LARP1B: variants seen among roughly 807,000 people sequenced by gnomAD.
LARP1B encodes the protein la-related protein 1B.
LARP1B carries 76 observed loss-of-function variants against 114.2 expected under a neutral mutation model. The ratio of observed to expected loss-of-function variants is 0.67; its 90% CI spans 0.55 to 0.81. The LOEUF is 0.81. Ranked by LOEUF, LARP1B falls within the 30% of genes least tolerant of loss-of-function variation. The pLI, the probability that LARP1B is intolerant of heterozygous loss-of-function variation, is 0.00. For synonymous variants in LARP1B, 345 were observed against 348.0 expected (o/e 0.99, Z 0.10); for missense variants, 1,014 against 1,075.8 (o/e 0.94, Z 0.80).
At position 128,209,964 on chromosome 4, in the gene LARP1B, G is replaced by A. The variant is rs142851814; in HGVS notation, c.2656G>A (p.Ala886Thr). ...TTCCTCTACAAAGCCACCAAATGCT[G>A]CTAAACCTACATCTACCAGTGAGCT... is the stretch of plus-strand genomic sequence containing the variant. ...PNSSTKPPNA[A>T]KPTSTSELQV... is the part of the protein sequence containing the mutation. The change falls in exon 20 of 20, where the codon GCT becomes ACT. Residue 886 changes from alanine to threonine, a missense_variant. Transcript: ENST00000326639. 2.7e-5 allele frequency: 44 copies of A among 1,614,014 alleles called. No homozygotes were observed. The African/African-American group carries it at 5.6e-4, about 21-fold the overall frequency.
rs1455443386 is a variant in LARP1B, at chr4:128,210,083, G to T, written c.*30G>T. ...TGCTGCCTGTGTCCTGTGGTCTCAA[G>T]AAATGGTGAAATGCCTGAGAAATAG... On this transcript the variant is annotated 3_prime_UTR_variant, in exon 20 of 20. Transcript: ENST00000326639. 1.2e-5 allele frequency: 20 copies of T among 1,612,944 alleles called. No homozygotes were observed. The East Asian group carries it at 4.5e-4, about 36-fold the overall frequency.
chr4:128,177,113 A>C (rs989524750), intron 13 of LARP1B, among the ~76,000 whole-genome samples: 23 of 151,856 alleles, frequency 1.5e-4, no homozygotes, highest in Admixed American at 4.6e-4. Context: ...GCAAAATCTC[A>C]TATGCCAGGG....
At chr4:128,155,078 A>C (rs184767863) in intron 11 of LARP1B, among the ~76,000 whole-genome samples, 1 of 152,146 alleles carries the variant, frequency 6.6e-6, no homozygotes, top group South Asian at 2.1e-4. Context: ...CCAGGCTACA[A>C]ATTTTTTTAT....
At chr4:128,178,035 G>GATATATATATATATATATAT (rs35878913) in intron 13 of LARP1B, among the ~76,000 whole-genome samples, 159 of 137,752 alleles carry the variant, frequency 1.2e-3, no homozygotes, top group Admixed American at 4.9e-3. Context: ...TTTACAAAGT[G>GATATATATATATATATATAT]ATATATATAT....
chr4:128,114,804 CTTTATG>C lies in LARP1B; in HGVS notation c.1161+66_1161+71del, dbSNP rs1785233588. The C allele has an allele frequency of 2.8e-6, 4 of 1,453,944 alleles. No individual in the cohort carries two copies. In the Admixed American group the frequency reaches 7.7e-5, roughly 28 times the overall value. The allele number at this position is 1,453,944 out of a possible 1,614,324, so 90.1% of individuals were successfully genotyped here. ...CTGGGTGGAGTATAAGGTCAGTGCA[CTTTATG>C]TTTGTTAGGTACATATGTAAAATTT... On this transcript the variant is annotated intron_variant, in intron 10 of 19. Transcript: ENST00000326639.
chr4:128,177,413 A>G (rs1746707048), intron 13 of LARP1B, among the ~76,000 whole-genome samples: 1 of 152,154 alleles, frequency 6.6e-6, no homozygotes, highest in South Asian at 2.1e-4. Flanking sequence ...ACACAGAAAT[A>G]GTGCCTATTT....
chr4:128,061,758 A>G (rs1160692035), intron 1 of LARP1B: 1 of 984,700 alleles, frequency 1.0e-6, no homozygotes, highest in Non-Finnish European at 1.2e-6. Flanking sequence ...GTGACTGCTG[A>G]GAGGGAGTCG....
At chr4:128,070,282 T>C (rs1216594374) in intron 1 of LARP1B, among the ~76,000 whole-genome samples, 2 of 151,366 alleles carry the variant, frequency 1.3e-5, no homozygotes, top group Admixed American at 6.6e-5. Context: ...ATTGCACCAC[T>C]GCACTCCAGC....
chr4:128,114,931 A>G (rs1263069299), intron 10 of LARP1B, among the ~76,000 whole-genome samples, 189 bp downstream of exon 10: 4 of 152,150 alleles, frequency 2.6e-5, no homozygotes. Flanking sequence ...TCAATTTTTA[A>G]AATGTTATTT....
intron 9 of LARP1B, chr4:128,107,830 C>A: frequency 6.6e-7 from 1 of 1,523,632 alleles, no homozygotes; most frequent in Non-Finnish European, 8.7e-7. Context: ...TTTCCTGGAT[C>A]ATTTTTAAGA....
At chr4:128,196,053 A>G (rs1753940575) in intron 15 of LARP1B, among the ~76,000 whole-genome samples, 1 of 151,990 alleles carries the variant, frequency 6.6e-6, no homozygotes, top group African/African-American at 2.4e-5. Flanking sequence ...GGAGTTCGAG[A>G]CCAGCTTGCC....
At chr4:128,137,881 G>A (rs1726169315) in intron 11 of LARP1B, among the ~76,000 whole-genome samples, 1 of 151,200 alleles carries the variant, frequency 6.6e-6, no homozygotes, top group Admixed American at 6.6e-5. Context: ...TGCAACCACC[G>A]CCTCCTGGGC....
At chr4:128,197,602 G>A (rs1026391108) in intron 15 of LARP1B, among the ~76,000 whole-genome samples, 1 of 152,070 alleles carries the variant, frequency 6.6e-6, no homozygotes, top group Non-Finnish European at 1.5e-5. Flanking sequence ...GCTGAGGCAG[G>A]AGAATCGCTT....
intron 10 of LARP1B, 108 bp from the exon 11 acceptor site, chr4:128,121,718 C>G (rs1166759721): frequency 1.4e-6 from 1 of 715,376 alleles, no homozygotes; most frequent in Non-Finnish European, 2.2e-6. Context: ...GTTAAACTAG[C>G]AATTGAGCAT....
At chr4:128,135,413 A>G (rs1793054409) in intron 11 of LARP1B, among the ~76,000 whole-genome samples, 1 of 152,118 alleles carries the variant, frequency 6.6e-6, no homozygotes, top group African/African-American at 2.4e-5. Context: ...AGCAATACCA[A>G]TTCTAGGCAT....
chr4:128,214,554 G>A (rs527240979), downstream of LARP1B, among the ~76,000 whole-genome samples: 1 of 151,858 alleles, frequency 6.6e-6, no homozygotes, highest in South Asian at 2.1e-4. Context: ...ACACGGCAGG[G>A]TATTCCAACA....
At chr4:128,107,702 C>A (rs1409336963) in intron 9 of LARP1B, 3 of 1,440,346 alleles carry the variant, frequency 2.1e-6, no homozygotes, top group Non-Finnish European at 2.7e-6. Context: ...AATTTTGTTA[C>A]CAATACGCTT....
intron 5 of LARP1B, among the ~76,000 whole-genome samples, chr4:128,085,965 A>T (rs936549696): frequency 4.0e-5 from 6 of 150,830 alleles, no homozygotes; most frequent in Admixed American, 6.6e-5. Context: ...TGTCTAGTGG[A>T]ATTCCTGTAT....
At chr4:128,177,618 A>G (rs571447433) in intron 13 of LARP1B, among the ~76,000 whole-genome samples, 53 of 152,328 alleles carry the variant, frequency 3.5e-4, no homozygotes, top group Admixed American at 5.9e-4. Flanking sequence ...AGCAACAACT[A>G]GATCATTTAA....
Sources: gnomAD v4.1 joint callset for allele counts (sites outside exome capture counted in the v4.1 genomes callset) on GRCh38, gnomAD v4.1.1 for gene constraint, MANE v1.5 for transcripts, NCBI Gene and HGNC (gene_info 2026-07-23, HGNC 2026-07-21) for gene names.